The following NXN variants were observed in gnomAD, a reference collection of about 807,000 sequenced individuals.
The protein encoded by NXN is nucleoredoxin 1.
In NXN, 16 loss-of-function variants were observed where a neutral mutation model predicts 48.6. The observed-to-expected ratio is 0.33, with a 90% confidence interval of 0.22 to 0.50. The LOEUF is 0.50. NXN is among the 20% of genes least tolerant of loss of function. The probability of loss-of-function intolerance (pLI) is 0.98; values close to 1 mark genes in which losing one functional copy is unlikely to be tolerated. For missense variants in NXN, 492 were observed against 605.5 expected (o/e 0.81, Z 1.97); for synonymous variants, 281 against 269.6 (o/e 1.04, Z -0.41).
At chr17:957,797 ACT>A (rs1337138109) in intron 1 of NXN, among the ~76,000 whole-genome samples, 6 of 151,192 alleles carry the variant, frequency 4.0e-5, no homozygotes, top group Non-Finnish European at 4.4e-5. Flanking sequence ...TGGAACCCAG[ACT>A]CTCTTTCTCA....
chr17:890,596 T>C (rs2068406150), intron 1 of NXN, among the ~76,000 whole-genome samples: 1 of 102,968 alleles, frequency 9.7e-6, no homozygotes, highest in African/African-American at 8.7e-5. Context: ...TTAGCCAGGA[T>C]GGTCTCGATC....
At chr17:959,326 C>T (rs747258561) in intron 1 of NXN, 6 of 260,016 alleles carry the variant, frequency 2.3e-5, no homozygotes, top group Admixed American at 1.7e-4. Flanking sequence ...CCCAGGCCCG[C>T]GACACTCCAA....
chr17:834,830 A>T (rs986785518), intron 1 of NXN, among the ~76,000 whole-genome samples: 2 of 150,968 alleles, frequency 1.3e-5, no homozygotes, highest in African/African-American at 4.9e-5. Flanking sequence ...TAATTTTTGT[A>T]CTTTTAGTAG....
intron 1 of NXN, among the ~76,000 whole-genome samples, chr17:856,128 G>A (rs2067983468): frequency 6.6e-6 from 1 of 152,098 alleles, no homozygotes; most frequent in Non-Finnish European, 1.5e-5. Flanking sequence ...GGGAGGTGGA[G>A]GTTGCAGTGA....
At position 956,334 on chromosome 17, in the gene NXN, C is replaced by T. The variant is rs2069168346; in HGVS notation, c.360+22985G>A. ...AGTTTCTCTGCCCTCAGGAAACCAT[C>T]GGGTCTCGTGGAACAGAACAGTGGT... On this transcript the variant is annotated intron_variant, in intron 1 of 7. Coordinates refer to ENST00000336868, the MANE Select transcript of NXN (RefSeq NM_022463.5). This position sits in a 1 kb window ranked among gnomAD's most constrained non-coding sequence, Gnocchi z 4.1. 6.6e-6 allele frequency among the ~76,000 whole-genome samples: 1 copy of T among 152,156 alleles called. No individual in the cohort carries two copies. The highest frequency in any genetic ancestry group is 2.4e-5 in the African/African-American group (1 of 41,448).
At position 917,220 on chromosome 17, in the gene NXN, T is replaced by C. The variant is rs1002209429; in HGVS notation, c.360+62099A>G. 6.6e-6 allele frequency among the ~76,000 whole-genome samples: 1 copy of C among 151,918 alleles called. No individual in the cohort carries two copies. The highest frequency in any genetic ancestry group is 2.4e-5 in the African/African-American group (1 of 41,390). On this transcript the variant is annotated intron_variant, in intron 1 of 7. Coordinates refer to ENST00000336868, the MANE Select transcript of NXN (RefSeq NM_022463.5). This position sits in a 1 kb window ranked among gnomAD's most constrained non-coding sequence, Gnocchi z 4.5. ...GCAATGGCGCGACCTCGGCTCGCCG[T>C]GGCCTCCGCCTCGCGGGTTCAAGCG...
intron 5 of NXN, among the ~76,000 whole-genome samples, chr17:810,165 A>T (rs1428704100): frequency 1.3e-4 from 12 of 92,268 alleles, no homozygotes; most frequent in African/African-American, 5.0e-4. Context: ...CGTGCACGTT[A>T]CGAGTCTGTG....
At chr17:882,801 C>G (rs968174068) in intron 1 of NXN, among the ~76,000 whole-genome samples, 17 of 152,084 alleles carry the variant, frequency 1.1e-4, no homozygotes, top group African/African-American at 4.1e-4. Context: ...CTTGCTCTGT[C>G]GCCCAGGCTG....
chr17:962,458 A>G (rs1206598794), intron 1 of NXN, among the ~76,000 whole-genome samples: 5 of 152,170 alleles, frequency 3.3e-5, no homozygotes, highest in African/African-American at 4.8e-5. Flanking sequence ...ACTTGAGTCC[A>G]GGAGTTCGAG....
intron 1 of NXN, among the ~76,000 whole-genome samples, chr17:833,431 G>A (rs944753343): frequency 5.9e-5 from 9 of 151,978 alleles, no homozygotes; most frequent in African/African-American, 1.9e-4. Context: ...TACGCAGCCC[G>A]GAAACCAAAA....
intron 1 of NXN, among the ~76,000 whole-genome samples, chr17:870,537 G>A (rs927576693): frequency 6.6e-6 from 1 of 151,982 alleles, no homozygotes; most frequent in Admixed American, 6.6e-5. Context: ...GAGTCCAGGA[G>A]TTCGAGACCA....
At chr17:972,754 G>A (rs369335296) in intron 1 of NXN, among the ~76,000 whole-genome samples, 25 of 152,204 alleles carry the variant, frequency 1.6e-4, no homozygotes, top group African/African-American at 4.3e-4. Context: ...AATCAGGGCC[G>A]GGTGCGGTGG....
At chr17:813,371 G>C (rs1395746517) in intron 5 of NXN, among the ~76,000 whole-genome samples, 1 of 152,244 alleles carries the variant, frequency 6.6e-6, no homozygotes, top group African/African-American at 2.4e-5. Flanking sequence ...AGTGAGACGG[G>C]CTCTGAAGGA....
chr17:918,149 A>G (rs574978141), intron 1 of NXN, among the ~76,000 whole-genome samples: 13 of 152,346 alleles, frequency 8.5e-5, no homozygotes, highest in Non-Finnish European at 1.5e-4. Flanking sequence ...AGAACACTCA[A>G]TATCACCTCC....
chr17:954,967 C>G (rs143464400), intron 1 of NXN, among the ~76,000 whole-genome samples: 1 of 152,158 alleles, frequency 6.6e-6, no homozygotes, highest in South Asian at 2.1e-4. Context: ...TACAGCCACT[C>G]GAGGCTTTCC....
rs902176095 is a variant in NXN, at chr17:948,447, A to G, written c.360+30872T>C. ...GCTATTTTATATCAGCAACTTTGGC[A>G]TCACGGGATCTGGGTACTGAGGGGT... On this transcript the variant is annotated intron_variant, in intron 1 of 7. Transcript: ENST00000336868. Among the ~76,000 whole-genome samples the G allele has an allele frequency of 3.3e-5, 5 of 152,274 alleles. No individual in the cohort carries two copies. In the South Asian group the frequency reaches 1.0e-3, roughly 32 times the overall value.
At chr17:881,058 G>T (rs146007875) in intron 1 of NXN, among the ~76,000 whole-genome samples, 223 of 152,222 alleles carry the variant, frequency 1.5e-3, no homozygotes, top group African/African-American at 4.7e-3. Flanking sequence ...GATATGAACA[G>T]ACACGTCCAG....
chr17:901,152 C>A (rs1183734125), intron 1 of NXN, among the ~76,000 whole-genome samples: 1 of 152,150 alleles, frequency 6.6e-6, no homozygotes, highest in Admixed American at 6.5e-5. Context: ...ATCTCCTGAC[C>A]TCACTTGATC....
intron 1 of NXN, among the ~76,000 whole-genome samples, chr17:887,196 C>T (rs2068357859): frequency 6.6e-6 from 1 of 152,074 alleles, no homozygotes; most frequent in Non-Finnish European, 1.5e-5. Flanking sequence ...GGATTACAGG[C>T]GTGAGCCACC....
Sources: allele counts gnomAD v4.1 joint callset (sites outside exome capture counted in the v4.1 genomes callset), GRCh38; gene constraint gnomAD v4.1.1; non-coding constraint Gnocchi (gnomAD v3.1); transcripts MANE v1.5; gene names NCBI Gene and HGNC (gene_info 2026-07-23, HGNC 2026-07-21).